ANKS6: variants seen among roughly 807,000 people sequenced by gnomAD.
ANKS6 encodes ankyrin repeat and sterile alpha motif domain containing 6.
Under a neutral mutation model 77.9 loss-of-function variants are expected in ANKS6, and 47 were observed. The ratio of observed to expected loss-of-function variants is 0.60; its 90% confidence interval spans 0.48 to 0.77. The LOEUF is 0.77. Among genes scored for constraint, ANKS6 ranks in the 30% least tolerant of loss-of-function variants. The pLI is 0.00. For missense variants in ANKS6, 1,150 were observed against 1,159.1 expected (o/e 0.99, Z 0.11); for synonymous variants, 488 against 501.7 (o/e 0.97, Z 0.37).
chr9:98,766,939 G>C (rs1273127033), intron 11 of ANKS6, among the ~76,000 whole-genome samples: 2 of 152,146 alleles, frequency 1.3e-5, no homozygotes, highest in Non-Finnish European at 2.9e-5. Flanking sequence ...TGGACATAGA[G>C]TCCCCTCAGA....
At chr9:98,769,127 G>GAAA (rs367857301) in intron 10 of ANKS6, among the ~76,000 whole-genome samples, 1 of 103,010 alleles carries the variant, frequency 9.7e-6, no homozygotes. Context: ...CTGTCTCAAA[G>GAAA]AAAAAAAAAA....
At chr9:98,739,758 A>ATTTTTTT (rs749499336) in intron 14 of ANKS6, among the ~76,000 whole-genome samples, 11 of 88,866 alleles carry the variant, frequency 1.2e-4, no homozygotes, top group South Asian at 1.2e-3. Context: ...TGGATTAAAC[A>ATTTTTTT]TTTTTTTTTT....
At chr9:98,752,608 C>T (rs1257023581) in intron 12 of ANKS6, among the ~76,000 whole-genome samples, 1 of 152,220 alleles carries the variant, frequency 6.6e-6, no homozygotes, top group Admixed American at 6.5e-5. Flanking sequence ...ATGGATGACC[C>T]ACTTGCTCTT....
chr9:98,744,135 G>A (rs1017082591), intron 14 of ANKS6, among the ~76,000 whole-genome samples: 3 of 152,200 alleles, frequency 2.0e-5, no homozygotes, highest in African/African-American at 7.2e-5. Context: ...ACCAAGAAAT[G>A]TTTAGAATCC....
At chr9:98,795,159 T>C (rs1255194175) in intron 1 of ANKS6, among the ~76,000 whole-genome samples, 4 of 152,110 alleles carry the variant, frequency 2.6e-5, no homozygotes, top group African/African-American at 7.2e-5. Context: ...TCCCTGAATA[T>C]ATCACAAATT....
rs745610971 is a variant in ANKS6, at chr9:98,790,435, G to A, written c.531C>T (p.Gly177=). Residue 177 remains glycine (G), a synonymous_variant, in exon 2 of 15, where the codon GGC becomes GGT. Transcript: ENST00000353234. ...GAFVDHHHPS[G]EQLGLGGSRD... Reference sequence around the variant, plus strand: ...TGCTGCCGCCCAACCCCAGTTGCTCGCCTGAAGGGTGGTGATGGTCCACAA... The same window carrying A: ...TGCTGCCGCCCAACCCCAGTTGCTCACCTGAAGGGTGGTGATGGTCCACAA... 3.7e-6 allele frequency: 6 copies of A among 1,613,604 alleles called. No individual in the cohort carries two copies. The highest frequency in any genetic ancestry group is 5.1e-6 in the Non-Finnish European group (6 of 1,179,992).
intron 2 of ANKS6, among the ~76,000 whole-genome samples, chr9:98,786,432 C>T (rs1809248661): frequency 6.6e-6 from 1 of 151,852 alleles, no homozygotes; most frequent in African/African-American, 2.4e-5. Flanking sequence ...GCTGGGATTA[C>T]AGGCACCCAC....
chr9:98,790,726 T>TCTGGCACAGTGC, intron 1 of ANKS6, 120 bp from the exon 2 acceptor site: 1 of 1,367,922 alleles, frequency 7.3e-7, no homozygotes. Context: ...GAGGTCTTAT[T>TCTGGCACAGTGC]CTGGCGCCAG....
chr9:98,793,691 C>T (rs1256346978), intron 1 of ANKS6, among the ~76,000 whole-genome samples: 4 of 151,564 alleles, frequency 2.6e-5, no homozygotes, highest in Non-Finnish European at 5.9e-5. Flanking sequence ...CGTGCCACCA[C>T]GCCCAGCTAA....
At chr9:98,762,246 T>C (rs546256452) in intron 11 of ANKS6, among the ~76,000 whole-genome samples, 1 of 152,324 alleles carries the variant, frequency 6.6e-6, no homozygotes, top group Admixed American at 6.5e-5. Context: ...TGTAGAGAAA[T>C]ACAGCTGACT....
At chr9:98,760,065 T>C (rs945434786) in intron 11 of ANKS6, among the ~76,000 whole-genome samples, 2 of 152,168 alleles carry the variant, frequency 1.3e-5, no homozygotes, top group Admixed American at 1.3e-4. Flanking sequence ...AGTATATGTA[T>C]CTAAACATCA....
In ANKS6 at chr9:98,790,585, T is replaced by C; in HGVS notation, c.381A>G (p.Ala127=). 1 of 1,602,336 alleles carries C rather than the reference T, an allele frequency of 6.2e-7. No homozygotes were observed. The highest frequency in any genetic ancestry group is 1.1e-5 in the South Asian group (1 of 90,870). ...CAGCCCCGTGATCCAACAGGAGGTGTGCCACACTCACATGCCCAAATCTGC... is the reference window on the plus strand; with the variant it reads ...CAGCCCCGTGATCCAACAGGAGGTGCGCCACACTCACATGCCCAAATCTGC... ...QAARFGHVSV[A]HLLLDHGADV... is the part of the protein sequence containing the mutation. Residue 127 remains alanine (A), a synonymous_variant, in exon 2 of 15, where the codon GCA becomes GCG. Transcript: ENST00000353234.
intron 10 of ANKS6, among the ~76,000 whole-genome samples, chr9:98,769,292 G>T (rs555586588): frequency 8.5e-5 from 13 of 152,132 alleles, no homozygotes; most frequent in Admixed American, 7.2e-4. Context: ...ATTCTGGAGG[G>T]CAAAACATAT....
At chr9:98,750,972 G>C in intron 13 of ANKS6, 57 bp downstream of exon 13, 1 of 1,440,662 alleles carries the variant, frequency 6.9e-7, no homozygotes, top group Non-Finnish European at 9.6e-7. Flanking sequence ...TACACATTTA[G>C]ACAAATTTTT....
intron 13 of ANKS6, among the ~76,000 whole-genome samples, chr9:98,746,581 G>C (rs1000304143): frequency 7.1e-6 from 1 of 140,228 alleles, no homozygotes; most frequent in African/African-American, 2.9e-5. Context: ...GGCACAGAGA[G>C]CTTTTTTTTT....
chr9:98,761,247 GTTCT>G (rs1361870190), intron 11 of ANKS6, among the ~76,000 whole-genome samples: 5 of 151,932 alleles, frequency 3.3e-5, no homozygotes, highest in Non-Finnish European at 1.5e-5. Context: ...TGAATTGAGG[GTTCT>G]TTATTTAGTC....
intron 11 of ANKS6, among the ~76,000 whole-genome samples, chr9:98,759,668 G>A (rs532546165): frequency 2.6e-5 from 4 of 152,290 alleles, no homozygotes; most frequent in African/African-American, 9.6e-5. Flanking sequence ...GCCATAAAAA[G>A]GATGAAATCC....
chr9:98,783,815 T>C (rs1373189200), intron 4 of ANKS6, 138 bp downstream of exon 4: 2 of 737,812 alleles, frequency 2.7e-6, no homozygotes, highest in Non-Finnish European at 3.8e-6. Flanking sequence ...TTTTTTTTTT[T>C]TTTCCATGCC....
intron 11 of ANKS6, among the ~76,000 whole-genome samples, chr9:98,767,813 TGACCTGTGGGACTGCAG>T (rs1833384017): frequency 6.6e-6 from 1 of 152,186 alleles, no homozygotes; most frequent in Non-Finnish European, 1.5e-5. Context: ...TGAGGCTGGG[TGACCTGTGGGACTGCAG>T]GAAGTGGGTG....
Sources: allele counts gnomAD v4.1 joint callset (sites outside exome capture counted in the v4.1 genomes callset), GRCh38; gene constraint gnomAD v4.1.1; transcripts MANE v1.5; gene names NCBI Gene and HGNC (gene_info 2026-07-23, HGNC 2026-07-21).